EXOC4: variants seen among roughly 807,000 people sequenced by gnomAD.
The protein encoded by EXOC4 is SEC8-like 1.
EXOC4 carries 71 observed loss-of-function variants against 107.2 expected under a neutral mutation model. That is an observed-to-expected ratio of 0.66 (90% CI 0.55 to 0.81). EXOC4 has a LOEUF of 0.81. Ranked by LOEUF, EXOC4 falls within the 30% of genes least tolerant of loss-of-function variation. The pLI is 0.00. For synonymous variants in EXOC4, 456 were observed against 441.2 expected, an observed-to-expected ratio of 1.03 and a Z score of -0.42; for missense variants, 1,108 against 1,189.6, an observed-to-expected ratio of 0.93 and a Z score of 1.01.
At chr7:133,368,751 T>C (rs1270713323) in intron 6 of EXOC4, among the ~76,000 whole-genome samples, 1 of 152,218 alleles carries the variant, frequency 6.6e-6, no homozygotes, top group Non-Finnish European at 1.5e-5. Context: ...TGAGTATTAC[T>C]ACATACTGTT....
chr7:133,925,061 T>C (rs1270816399), intron 13 of EXOC4, among the ~76,000 whole-genome samples: 1 of 152,220 alleles, frequency 6.6e-6, no homozygotes, highest in Non-Finnish European at 1.5e-5. Context: ...GATTTAGCAC[T>C]TTAGAGTACC....
intron 3 of EXOC4, among the ~76,000 whole-genome samples, chr7:133,294,593 G>A (rs1337595951): frequency 6.6e-6 from 1 of 152,050 alleles, no homozygotes; most frequent in Non-Finnish European, 1.5e-5. Flanking sequence ...GGGTTATTAT[G>A]ATAATTATAA....
intron 10 of EXOC4, among the ~76,000 whole-genome samples, chr7:133,714,547 G>C (rs531691297): frequency 1.3e-5 from 2 of 152,150 alleles, no homozygotes; most frequent in African/African-American, 4.8e-5. Flanking sequence ...AGTAACAATT[G>C]GCCCCCCATA....
intron 4 of EXOC4, chr7:133,314,882 A>G (rs1794954354): frequency 6.6e-6 from 1 of 152,192 alleles, no homozygotes; most frequent in Admixed American, 6.5e-5. Flanking sequence ...TTAAAGTTGA[A>G]GTTTTTTTTA....
intron 10 of EXOC4, among the ~76,000 whole-genome samples, chr7:133,788,372 A>G (rs1796633135): frequency 6.6e-6 from 1 of 151,958 alleles, no homozygotes; most frequent in Non-Finnish European, 1.5e-5. Context: ...TCCACTTTCC[A>G]AAACAAAACT....
intron 11 of EXOC4, among the ~76,000 whole-genome samples, chr7:133,852,602 G>A (rs372576130): frequency 2.6e-5 from 4 of 152,200 alleles, no homozygotes; most frequent in African/African-American, 9.6e-5. Context: ...TAATATCTAG[G>A]TGAATGTATA....
intron 2 of EXOC4, among the ~76,000 whole-genome samples, chr7:133,286,256 T>C (rs1794274209): frequency 6.6e-6 from 1 of 152,210 alleles, no homozygotes; most frequent in African/African-American, 2.4e-5. Context: ...CTAACCTTTC[T>C]ATTGGAGTTT....
intron 10 of EXOC4, among the ~76,000 whole-genome samples, chr7:133,647,797 A>G (rs1224940421): frequency 6.6e-6 from 1 of 152,166 alleles, no homozygotes; most frequent in African/African-American, 2.4e-5. Flanking sequence ...ACTCTGGATT[A>G]TCAAACAGCC....
chr7:133,564,469 A>C (rs1173752475), intron 9 of EXOC4, among the ~76,000 whole-genome samples: 1 of 152,202 alleles, frequency 6.6e-6, no homozygotes, highest in Non-Finnish European at 1.5e-5. Flanking sequence ...ACGGGAACAC[A>C]GATCCAAACC....
chr7:133,445,776 C>A (rs889603913), intron 7 of EXOC4, among the ~76,000 whole-genome samples: 2 of 151,972 alleles, frequency 1.3e-5, no homozygotes, highest in African/African-American at 4.8e-5. Flanking sequence ...GTTTGGAAGG[C>A]GGAGGTGGGA....
intron 7 of EXOC4, among the ~76,000 whole-genome samples, chr7:133,438,887 CT>C (rs997285721): frequency 2.6e-5 from 4 of 152,170 alleles, no homozygotes; most frequent in African/African-American, 9.7e-5. Context: ...TTACCTGTTG[CT>C]TACAGATGAC....
At chr7:133,594,839 T>A (rs1312526513) in intron 9 of EXOC4, among the ~76,000 whole-genome samples, 1 of 151,954 alleles carries the variant, frequency 6.6e-6, no homozygotes, top group Non-Finnish European at 1.5e-5. Flanking sequence ...CCTGCCGGAA[T>A]AAAAAAGTAA....
intron 9 of EXOC4, among the ~76,000 whole-genome samples, chr7:133,503,591 T>C (rs1290529832): frequency 1.3e-5 from 2 of 152,138 alleles, no homozygotes; most frequent in Admixed American, 6.5e-5. Context: ...GGCTGAAGAG[T>C]TGATCTTGTC....
chr7:133,384,347 A>G (rs1282179703), intron 7 of EXOC4, among the ~76,000 whole-genome samples: 2 of 152,202 alleles, frequency 1.3e-5, no homozygotes, highest in Non-Finnish European at 2.9e-5. Flanking sequence ...ACACAGGTGT[A>G]GAAATGGCAG....
In EXOC4 at chr7:133,682,008, A is replaced by G. The variant is rs558971452; in HGVS notation, c.1514+51867A>G. Among the ~76,000 whole-genome samples the G allele has an allele frequency of 4.4e-4, 67 of 152,122 alleles. No individual in the cohort carries two copies. In the South Asian group the frequency reaches 5.0e-3, roughly 11 times the overall value. ...AGCCTCAAACTCCCAGGGTCCATCA[A>G]TCCTCCGGCCTTAGCCTCCCAAGCT... is the stretch of plus-strand genomic sequence containing the variant. On this transcript the variant is annotated intron_variant, in intron 10 of 17. Transcript: ENST00000253861.
At chr7:133,363,611 A>T (rs1416732083) in intron 6 of EXOC4, among the ~76,000 whole-genome samples, 1 of 1,508 alleles carries the variant, frequency 6.6e-4, no homozygotes, top group South Asian at 0.5. Context: ...GGCAAAGTTA[A>T]AAAAAAAAAA....
chr7:133,271,942 T>G (rs1793880659), intron 1 of EXOC4, among the ~76,000 whole-genome samples: 1 of 152,076 alleles, frequency 6.6e-6, no homozygotes, highest in African/African-American at 2.4e-5. Context: ...AGTTAAGTGA[T>G]CTAGTATTTG....
intron 14 of EXOC4, among the ~76,000 whole-genome samples, chr7:133,990,701 A>G (rs1794233511): frequency 6.6e-6 from 1 of 151,914 alleles, no homozygotes. Flanking sequence ...TGATCCACCC[A>G]CCTCGGCCTC....
intron 11 of EXOC4, among the ~76,000 whole-genome samples, chr7:133,830,321 C>G (rs938522321): frequency 2.0e-5 from 3 of 152,230 alleles, no homozygotes; most frequent in African/African-American, 7.2e-5. Flanking sequence ...GCTTCTGACG[C>G]TTTACCAGAG....
Sources: allele counts gnomAD v4.1 joint callset (sites outside exome capture counted in the v4.1 genomes callset), GRCh38; gene constraint gnomAD v4.1.1; transcripts MANE v1.5; gene names NCBI Gene and HGNC (gene_info 2026-07-23, HGNC 2026-07-21).